POLA1: variants seen among roughly 807,000 people sequenced by gnomAD.
POLA1 encodes DNA polymerase alpha 1, catalytic subunit.
A neutral mutation model predicts 124.0 loss-of-function variants in POLA1; 15 were observed. That is an observed-to-expected ratio of 0.12 (90% CI 0.08 to 0.19). POLA1 has a LOEUF of 0.19. Among genes scored for constraint, POLA1 ranks in the 10% least tolerant of loss-of-function variants. The pLI is 1.00. For missense variants in POLA1, 886 were observed against 1,103.4 expected (o/e 0.80, Z 2.79); for synonymous variants, 408 against 389.4 (o/e 1.05, Z -0.56).
At chrX:24,801,924 G>GTTGT (rs2045713434) in intron 26 of POLA1, among the ~76,000 whole-genome samples, 1 of 74,536 alleles carries the variant, frequency 1.3e-5, no homozygotes, top group African/African-American at 5.5e-5. Context: ...GAGGTGGGTG[G>GTTGT]GTGTGTGTGT....
intron 36 of POLA1, among the ~76,000 whole-genome samples, chrX:24,972,059 C>T (rs1455550926): frequency 9.1e-6 from 1 of 110,439 alleles, no homozygotes; most frequent in East Asian, 2.8e-4. Flanking sequence ...ACCTCCGCCT[C>T]TCAGGTTCAA....
chrX:24,913,058 A>G (rs2047472720), intron 35 of POLA1, among the ~76,000 whole-genome samples: 1 of 112,466 alleles, frequency 8.9e-6, no homozygotes, highest in Non-Finnish European at 1.9e-5. Flanking sequence ...ACCTGAATTC[A>G]TATATGAATG....
intron 34 of POLA1, among the ~76,000 whole-genome samples, chrX:24,849,714 T>G (rs2046528161): frequency 1.9e-5 from 2 of 105,671 alleles, no homozygotes; most frequent in Admixed American, 2.1e-4. Flanking sequence ...CACTGCAAGC[T>G]CTGCCTCCTG....
At chrX:24,817,336 G>A (rs1046235590) in intron 30 of POLA1, among the ~76,000 whole-genome samples, 2 of 111,272 alleles carry the variant, frequency 1.8e-5, no homozygotes, top group East Asian at 5.6e-4. Context: ...TCGGCCGGGC[G>A]CGGTGGCTTG....
intron 26 of POLA1, among the ~76,000 whole-genome samples, chrX:24,757,728 C>T (rs1256765704): frequency 1.8e-5 from 2 of 110,985 alleles, no homozygotes; most frequent in East Asian, 2.8e-4. Context: ...CATGAGCCAC[C>T]GCGCCCAGCC....
chrX:24,814,866 T>C, intron 29 of POLA1, 113 bp from the exon 30 acceptor site: 1 of 715,170 alleles, frequency 1.4e-6, no homozygotes, highest in Non-Finnish European at 2.0e-6. Flanking sequence ...CTGTAGCTAA[T>C]GTTAACCACA....
chrX:24,713,959 T>C (rs1929644913), intron 4 of POLA1, among the ~76,000 whole-genome samples: 1 of 112,190 alleles, frequency 8.9e-6, no homozygotes, highest in Non-Finnish European at 1.9e-5. Context: ...TTTATTTCTG[T>C]GGGGAAAACA....
chrX:24,917,962 G>A (rs1569361938), intron 35 of POLA1, among the ~76,000 whole-genome samples: 1 of 111,352 alleles, frequency 9.0e-6, no homozygotes, highest in East Asian at 2.8e-4. Context: ...TTACAGCTGG[G>A]TAAACCAAGG....
intron 34 of POLA1, among the ~76,000 whole-genome samples, chrX:24,878,841 A>G (rs1387016038): frequency 9.0e-6 from 1 of 110,598 alleles, no homozygotes; most frequent in African/African-American, 3.3e-5. Context: ...AAGCATACAC[A>G]TGGTATAGCT....
At chrX:24,790,245 C>T (rs919087766) in intron 26 of POLA1, among the ~76,000 whole-genome samples, 27 of 111,953 alleles carry the variant, frequency 2.4e-4, no homozygotes, top group Admixed American at 7.6e-4. Context: ...GTCATAGAAA[C>T]TATAGTTGCA....
At chrX:24,789,211 G>C in intron 26 of POLA1, 1 of 516,306 alleles carries the variant, frequency 1.9e-6, no homozygotes, top group Non-Finnish European at 3.2e-6. Flanking sequence ...AAAGGAAGAA[G>C]TTAAACTGTT....
At chrX:24,908,932 T>G (rs1177367754) in intron 35 of POLA1, among the ~76,000 whole-genome samples, 1 of 111,982 alleles carries the variant, frequency 8.9e-6, no homozygotes, top group African/African-American at 3.3e-5. Flanking sequence ...CCATTCTAAC[T>G]GGTGTGAGAT....
rs1421215510 is a variant in POLA1 at position 24,958,151 on chromosome X, G to A, written c.4261+27602G>A. ...GGAAAAGAATGAGTGGAGGAGGCGA[G>A]ACTTGAGGTGATCTTTGCGAGAATG... On this transcript the variant is annotated intron_variant, in intron 36 of 36. Transcript: ENST00000379068. Among the ~76,000 whole-genome samples the A allele has an allele frequency of 2.7e-5, 3 of 111,679 alleles. No individual in the cohort carries two copies. The South Asian group carries it at 1.2e-3, about 43-fold the overall frequency.
At chrX:24,745,591 TAAAG>T (rs1321665168) in intron 24 of POLA1, 49 bp downstream of exon 24, 7 of 884,624 alleles carry the variant, frequency 7.9e-6, no homozygotes, top group Non-Finnish European at 1.1e-5. Flanking sequence ...AAAAATTGCT[TAAAG>T]AAGGAAGATC....
Position 24,717,747 on chromosome X carries a change from A to G in POLA1, c.1076A>G (p.Tyr359Cys). The change falls in exon 10 of 37, where the codon TAC becomes TGC. Residue 359 changes from tyrosine (Y) to cysteine (C), a missense_variant. Coordinates refer to ENST00000379068, the MANE Select transcript of POLA1 (RefSeq NM_001330360.2). Reference sequence around the variant, plus strand: ...TGGTTGGATGCTTATGAGGATCAGTACAACCAACCAGGTAATCATATATAA... The same window carrying G: ...TGGTTGGATGCTTATGAGGATCAGTGCAACCAACCAGGTAATCATATATAA... ...FYWLDAYEDQ[Y>C]NQPGVVFLFG... 1.7e-6 allele frequency: 2 copies of G among 1,187,072 alleles called. No individual in the cohort carries two copies. The highest frequency in any genetic ancestry group is 2.3e-6 in the Non-Finnish European group (2 of 877,510).
At chrX:24,708,010 A>G (rs981749457) in intron 4 of POLA1, among the ~76,000 whole-genome samples, 5 of 112,123 alleles carry the variant, frequency 4.5e-5, no homozygotes, top group East Asian at 2.8e-4. Flanking sequence ...AGAGAAAAAT[A>G]TCAACCAAGT....
At chrX:24,880,663 C>G (rs1269496871) in intron 34 of POLA1, among the ~76,000 whole-genome samples, 1 of 111,830 alleles carries the variant, frequency 8.9e-6, no homozygotes, top group Non-Finnish European at 1.9e-5. Flanking sequence ...TCTGGAAATT[C>G]CAAATCACAA....
intron 26 of POLA1, among the ~76,000 whole-genome samples, chrX:24,794,863 AT>A (rs1195656884): frequency 0.024 from 2,525 of 104,984 alleles, 38 homozygotes; most frequent in Middle Eastern, 0.063. Context: ...TTCGGCTTGC[AT>A]TTTTTTTTTT....
At chrX:24,806,457 T>C (rs2148490142) in intron 26 of POLA1, among the ~76,000 whole-genome samples, 1 of 110,409 alleles carries the variant, frequency 9.1e-6, no homozygotes, top group South Asian at 3.9e-4. Flanking sequence ...GTCACTGTGA[T>C]ACCCACCATC....
Sources: allele counts gnomAD v4.1 joint callset (sites outside exome capture counted in the v4.1 genomes callset), GRCh38; gene constraint gnomAD v4.1.1; transcripts MANE v1.5; gene names NCBI Gene and HGNC (gene_info 2026-07-23, HGNC 2026-07-21).